Variants in LIFR observed in about 807,000 individuals in gnomAD.
LIFR encodes the protein LIF receptor subunit alpha, also known as leukemia inhibitory factor receptor.
Under a neutral mutation model 122.2 loss-of-function variants are expected in LIFR, and 84 were observed. That is an observed-to-expected ratio of 0.69 (90% CI 0.58 to 0.82). The LOEUF (loss-of-function observed/expected upper bound fraction) is 0.82. Among genes scored for constraint, LIFR ranks in the 40% least tolerant of loss-of-function variants. The pLI, the probability that LIFR is intolerant of heterozygous loss-of-function variation, is 0.00. For missense variants in LIFR, 1,294 were observed against 1,311.6 expected (o/e 0.99, Z 0.21); for synonymous variants, 422 against 434.7 (o/e 0.97, Z 0.36).
chr5:38,521,250 C>G (rs1280654299), intron 5 of LIFR, among the ~76,000 whole-genome samples: 1 of 152,064 alleles, frequency 6.6e-6, no homozygotes, highest in Non-Finnish European at 1.5e-5. Flanking sequence ...TATAGAAACA[C>G]TTCTCATTTT....
intron 9 of LIFR, 51 bp downstream of exon 9, chr5:38,505,854 T>C (rs1164280369): frequency 7.8e-7 from 1 of 1,275,036 alleles, no homozygotes; most frequent in South Asian, 1.5e-5. Flanking sequence ...CATTAAAGCA[T>C]TTCACCACTT....
chr5:38,493,783 C>A lies in LIFR; in HGVS notation c.1888G>T (p.Asp630Tyr). The change falls in exon 14 of 20, where the codon GAT (aspartate) becomes TAT (tyrosine). Residue 630 changes from aspartate to tyrosine, a missense_variant and splice_region_variant. Coordinates refer to ENST00000453190, the MANE Select transcript of LIFR (RefSeq NM_001127671.2). ...CCAACAACTTGTTCTATTTTGAGAT[C>A]ATCTTCAATAAGAAAGGAGGATATT... ...KIASMEIPND[D>Y]LKIEQVVGMG... 2 of 1,613,250 alleles carry A rather than the reference C, an allele frequency of 1.2e-6. No homozygotes were observed. Among genetic ancestry groups the A allele is most frequent in the Non-Finnish European group, 1.7e-6 (2 of 1,179,272 alleles).
intron 9 of LIFR, among the ~76,000 whole-genome samples, chr5:38,504,423 A>AAAAAG (rs1458933609): frequency 6.6e-6 from 1 of 151,496 alleles, no homozygotes; most frequent in African/African-American, 2.4e-5. Context: ...ACCAAAAAAA[A>AAAAAG]AAAAGAAAAG....
intron 1 of LIFR, among the ~76,000 whole-genome samples, chr5:38,606,714 T>C (rs1379205756): frequency 1.3e-5 from 2 of 152,228 alleles, no homozygotes; most frequent in East Asian, 3.9e-4. Context: ...CACAGTTGCA[T>C]ATTAGGTGGC....
chr5:38,607,097 A>G (rs1750345043), intron 1 of LIFR, among the ~76,000 whole-genome samples: 1 of 152,250 alleles, frequency 6.6e-6, no homozygotes, highest in African/African-American at 2.4e-5. Context: ...TTTTAAAAAT[A>G]GTATTTAGAA....
At chr5:38,498,797 A>G (rs1745021978) in intron 12 of LIFR, among the ~76,000 whole-genome samples, 1 of 152,204 alleles carries the variant, frequency 6.6e-6, no homozygotes, top group East Asian at 1.9e-4. Flanking sequence ...AGTCAAATAC[A>G]ATCTCAAAGC....
intron 4 of LIFR, among the ~76,000 whole-genome samples, chr5:38,525,360 A>G (rs543561650): frequency 1.3e-5 from 2 of 152,314 alleles, no homozygotes; most frequent in African/African-American, 4.8e-5. Flanking sequence ...CTATCCTAGA[A>G]GCTCAAGGAC....
At position 38,477,144 on chromosome 5, in the gene LIFR, T is replaced by A. The variant is rs1172788858; in HGVS notation, c.*4451A>T. On this transcript the variant is annotated 3_prime_UTR_variant, in exon 20 of 20. Coordinates refer to ENST00000453190, the MANE Select transcript of LIFR (RefSeq NM_001127671.2). ...AAGCATGAATACGACCATGTAATAA[T>A]TAATAGCACTAATTGAAAAGGAATA... is the stretch of plus-strand genomic sequence containing the variant. 4.5e-6 allele frequency: 1 copy of A among 221,402 alleles called. No individual in the cohort carries two copies. The highest frequency in any genetic ancestry group is 6.6e-5 in the East Asian group (1 of 15,088). The allele number at this position is 221,402 out of a possible 1,614,324, so 13.7% of individuals were successfully genotyped here.
intron 1 of LIFR, among the ~76,000 whole-genome samples, chr5:38,547,751 T>C (rs373906348): frequency 1.3e-5 from 2 of 152,204 alleles, no homozygotes; most frequent in African/African-American, 4.8e-5. Flanking sequence ...CTAGGCAATT[T>C]TGTTGTTGTG....
intron 6 of LIFR, 120 bp from the exon 7 acceptor site, chr5:38,510,838 C>T (rs1745762609): frequency 1.3e-6 from 1 of 770,780 alleles, no homozygotes; most frequent in Non-Finnish European, 2.1e-6. Context: ...ATATACACTA[C>T]AAACTGTTAG....
intron 1 of LIFR, among the ~76,000 whole-genome samples, chr5:38,582,072 T>A (rs13184312): frequency 6.7e-6 from 1 of 148,562 alleles, no homozygotes; most frequent in African/African-American, 2.5e-5. Flanking sequence ...TTTTTTTTTC[T>A]TTTTTTAGAG....
intron 1 of LIFR, among the ~76,000 whole-genome samples, chr5:38,568,971 C>T (rs564473799): frequency 2.0e-3 from 303 of 152,278 alleles, no homozygotes; most frequent in Non-Finnish European, 3.3e-3. Flanking sequence ...AGGTAGGGGC[C>T]TTTATATCCC....
At chr5:38,575,113 A>G (rs1392886959) in intron 1 of LIFR, among the ~76,000 whole-genome samples, 1 of 152,240 alleles carries the variant, frequency 6.6e-6, no homozygotes, top group Non-Finnish European at 1.5e-5. Flanking sequence ...TAACAGCAAA[A>G]ATAAATGGTC....
intron 5 of LIFR, among the ~76,000 whole-genome samples, chr5:38,512,408 C>T (rs1018978139): frequency 4.6e-5 from 7 of 152,038 alleles, no homozygotes; most frequent in African/African-American, 1.7e-4. Flanking sequence ...CCCTTGAGCC[C>T]AGGAGTACAA....
chr5:38,584,901 G>A (rs552698834), intron 1 of LIFR, among the ~76,000 whole-genome samples: 6 of 152,140 alleles, frequency 3.9e-5, no homozygotes, highest in Non-Finnish European at 8.8e-5. Flanking sequence ...TGAGAGGATA[G>A]ATGCGTGAAT....
chr5:38,524,963 A>C (rs1372717908), intron 4 of LIFR, among the ~76,000 whole-genome samples: 1 of 152,208 alleles, frequency 6.6e-6, no homozygotes, highest in Non-Finnish European at 1.5e-5. Context: ...TGGAAAAACC[A>C]CTGGCGAGGC....
chr5:38,547,041 T>C (rs907840629), intron 1 of LIFR, among the ~76,000 whole-genome samples: 1 of 152,160 alleles, frequency 6.6e-6, no homozygotes, highest in African/African-American at 2.4e-5. Flanking sequence ...AGTGTTTCTT[T>C]GTGAAAAGTA....
chr5:38,583,689 G>GTTT (rs1749659241), intron 1 of LIFR, among the ~76,000 whole-genome samples: 9 of 152,102 alleles, frequency 5.9e-5, no homozygotes, highest in African/African-American at 2.2e-4. Flanking sequence ...TGATCAACAG[G>GTTT]TATATGAAAA....
At chr5:38,601,230 G>A (rs1430941807) in intron 2 of LIFR, among the ~76,000 whole-genome samples, 1 of 152,166 alleles carries the variant, frequency 6.6e-6, no homozygotes. Context: ...GAGGACACAG[G>A]GAGAATACTG....
Sources: allele counts gnomAD v4.1 joint callset (sites outside exome capture counted in the v4.1 genomes callset), GRCh38; gene constraint gnomAD v4.1.1; transcripts MANE v1.5; gene names NCBI Gene and HGNC (gene_info 2026-07-23, HGNC 2026-07-21).